The following GALNT10 variants were observed in gnomAD, a reference collection of about 807,000 sequenced individuals.
GALNT10 encodes GalNAc transferase 10.
In GALNT10, 41 loss-of-function variants were observed where a neutral mutation model predicts 75.0. The observed-to-expected ratio is 0.55, with a 90% CI of 0.43 to 0.71. The LOEUF (loss-of-function observed/expected upper bound fraction) is 0.71, where lower values mean the gene tolerates loss of function less well. GALNT10 is among the 30% of genes least tolerant of loss of function. GALNT10 has a pLI of 0.00. For synonymous variants in GALNT10, 302 were observed against 313.0 expected (o/e 0.96, Z 0.37); for missense variants, 727 against 818.5 (o/e 0.89, Z 1.36).
In GALNT10 at chr5:154,298,189, C is replaced by T. The variant is rs1272415811; in HGVS notation, c.401+110C>T. Reference sequence around the variant, plus strand: ...GAGCCCTGCTGACGGAGACACCCTCCTCTTTCACAGGCATTTGTGCAAAGG... The same window carrying T: ...GAGCCCTGCTGACGGAGACACCCTCTTCTTTCACAGGCATTTGTGCAAAGG... On this transcript the variant is annotated intron_variant, in intron 3 of 11. Transcript: ENST00000297107. The surrounding 1 kb of genome is among the most constrained non-coding windows in gnomAD (Gnocchi z 4.1). 18 of 940,972 alleles carry T rather than the reference C, an allele frequency of 1.9e-5. No individual in the cohort carries two copies. Among genetic ancestry groups the T allele is most frequent in the Non-Finnish European group, 2.6e-5 (16 of 604,310 alleles). 58.3% of individuals were successfully genotyped at this position (940,972 alleles called of 1,614,324 possible).
chr5:154,234,138 CT>C (rs1753207819), intron 1 of GALNT10, among the ~76,000 whole-genome samples: 1 of 152,178 alleles, frequency 6.6e-6, no homozygotes, highest in African/African-American at 2.4e-5. Context: ...TTTTAAGATT[CT>C]GTGGTGGGAA....
rs1582018846 is a variant in GALNT10, at chr5:154,409,802, G to A, written c.1386+40G>A. The A allele has an allele frequency of 1.5e-6, 2 of 1,347,374 alleles. No homozygotes were observed. The highest frequency in any genetic ancestry group is 4.6e-5 in the East Asian group (2 of 43,678). 83.5% of individuals were successfully genotyped at this position (1,347,374 alleles called of 1,614,324 possible). A position where few individuals can be genotyped will look rare whatever the true frequency, so the allele number is the denominator to read the frequency against. Reference sequence around the variant, plus strand: ...CAGGGCTGGCTCCATAATTTAATGGGTGTGCAAAATGCAAATGCAGATCCC... The same window carrying A: ...CAGGGCTGGCTCCATAATTTAATGGATGTGCAAAATGCAAATGCAGATCCC... On this transcript the variant is annotated intron_variant, in intron 9 of 11. Coordinates refer to ENST00000297107, the MANE Select transcript of GALNT10 (RefSeq NM_198321.4). The surrounding 1 kb of genome is among the most constrained non-coding windows in gnomAD (Gnocchi z 4.5).
intron 4 of GALNT10, among the ~76,000 whole-genome samples, chr5:154,358,568 TTAGAGCCTCTCTCCCACACA>T (rs929335699): frequency 3.9e-5 from 6 of 152,306 alleles, no homozygotes; most frequent in African/African-American, 4.8e-5. Flanking sequence ...CTGGCTGCTC[TTAGAGCCTCTCTCCCACACA>T]TAGAGCCTCT....
chr5:154,210,717 C>G (rs1241242725), intron 1 of GALNT10, among the ~76,000 whole-genome samples: 1 of 152,152 alleles, frequency 6.6e-6, no homozygotes, highest in Non-Finnish European at 1.5e-5. Context: ...AGGAATAAAC[C>G]ATCTTGGATT....
intron 1 of GALNT10, among the ~76,000 whole-genome samples, chr5:154,266,273 C>A (rs928821201): frequency 6.6e-6 from 1 of 152,004 alleles, no homozygotes; most frequent in Non-Finnish European, 1.5e-5. Flanking sequence ...AGGCTCCAGA[C>A]CTCCAATTAG....
chr5:154,330,693 A>C (rs969818540), intron 4 of GALNT10, among the ~76,000 whole-genome samples: 2 of 152,184 alleles, frequency 1.3e-5, no homozygotes, highest in Admixed American at 6.5e-5. Flanking sequence ...TTTGCATCAA[A>C]GCTTTCACCA....
chr5:154,284,794 A>C (rs528785538), intron 1 of GALNT10, among the ~76,000 whole-genome samples: 1 of 152,230 alleles, frequency 6.6e-6, no homozygotes, highest in Non-Finnish European at 1.5e-5. Flanking sequence ...GGGCAGGTAC[A>C]TGTGGTAGGT....
chr5:154,375,397 T>C (rs1348521637), intron 4 of GALNT10, among the ~76,000 whole-genome samples: 1 of 152,206 alleles, frequency 6.6e-6, no homozygotes, highest in Non-Finnish European at 1.5e-5. Flanking sequence ...GACACCAACA[T>C]TGAGGCTGAG....
chr5:154,202,939 A>C (rs1170544450), intron 1 of GALNT10, among the ~76,000 whole-genome samples: 1 of 152,214 alleles, frequency 6.6e-6, no homozygotes, highest in Non-Finnish European at 1.5e-5. Flanking sequence ...CTGCCCTGGC[A>C]GCAAGAGAGG....
At chr5:154,282,145 G>A (rs567479793) in intron 1 of GALNT10, among the ~76,000 whole-genome samples, 1 of 152,212 alleles carries the variant, frequency 6.6e-6, no homozygotes, top group African/African-American at 2.4e-5. Flanking sequence ...CATCACATGG[G>A]TGAGAGAGAT....
intron 3 of GALNT10, among the ~76,000 whole-genome samples, chr5:154,299,531 T>A (rs1754330483): frequency 6.6e-6 from 1 of 152,176 alleles, no homozygotes; most frequent in African/African-American, 2.4e-5. Context: ...ACCATAAAAG[T>A]CTTTCCACCT....
intron 3 of GALNT10, among the ~76,000 whole-genome samples, chr5:154,307,025 A>G (rs1357077227): frequency 6.6e-6 from 1 of 152,238 alleles, no homozygotes; most frequent in Non-Finnish European, 1.5e-5. Flanking sequence ...GAAAAAGAAG[A>G]CAAAAATTAC....
At chr5:154,248,651 GTGATATCCCCTT>G (rs1401052796) in intron 1 of GALNT10, among the ~76,000 whole-genome samples, 1 of 152,296 alleles carries the variant, frequency 6.6e-6, no homozygotes, top group East Asian at 1.9e-4. Flanking sequence ...GGGATCAGTG[GTGATATCCCCTT>G]TATCATTTTT....
chr5:154,326,160 A>T (rs912985732), intron 3 of GALNT10, among the ~76,000 whole-genome samples: 4 of 152,196 alleles, frequency 2.6e-5, no homozygotes, highest in African/African-American at 9.7e-5. Flanking sequence ...ATATGGAAAG[A>T]TACTCAACAT....
intron 1 of GALNT10, among the ~76,000 whole-genome samples, chr5:154,216,134 A>C (rs954887564): frequency 1.3e-5 from 2 of 152,070 alleles, no homozygotes; most frequent in African/African-American, 4.8e-5. Context: ...GGTCAGGAGG[A>C]TCTTGGAGAT....
At chr5:154,309,874 T>C (rs975318715) in intron 3 of GALNT10, among the ~76,000 whole-genome samples, 11 of 152,198 alleles carry the variant, frequency 7.2e-5, no homozygotes, top group African/African-American at 2.7e-4. Context: ...AGTGACAAGA[T>C]TTTTTTCTGA....
At chr5:154,201,350 G>A (rs773607933) in intron 1 of GALNT10, among the ~76,000 whole-genome samples, 49 of 151,986 alleles carry the variant, frequency 3.2e-4, no homozygotes, top group Non-Finnish European at 6.2e-4. Flanking sequence ...TAGTACCAAA[G>A]CCAATAAGTT....
At chr5:154,232,531 A>G (rs2113663333) in intron 1 of GALNT10, among the ~76,000 whole-genome samples, 1 of 152,280 alleles carries the variant, frequency 6.6e-6, no homozygotes, top group East Asian at 1.9e-4. Context: ...AACAGTGATA[A>G]TAGGTGCTAT....
At position 154,412,997 on chromosome 5, in the gene GALNT10, A is replaced by G; in HGVS notation, c.1495A>G (p.Asn499Asp). ...VRGRGEAAWN[N>D]MQVFTFTWRE... ...AGGCCGTGGGGAGGCTGCCTGGAAC[A>G]ACATGCAGGTAAGGGCCGCCCCTCA... is the stretch of plus-strand genomic sequence containing the variant. Residue 499 changes from asparagine (N) to aspartate (D), a missense_variant, in exon 10 of 12, where the codon AAC (asparagine) becomes GAC (aspartate). Asn to Asp is a conservative substitution (Grantham distance 23). Transcript: ENST00000297107. The surrounding 1 kb of genome is among the most constrained non-coding windows in gnomAD (Gnocchi z 4.2). 6.2e-7 allele frequency: 1 copy of G among 1,603,208 alleles called. No homozygotes were observed. Among genetic ancestry groups the G allele is most frequent in the South Asian group, 1.1e-5 (1 of 90,842 alleles).
Sources: gnomAD v4.1 joint callset for allele counts (sites outside exome capture counted in the v4.1 genomes callset) on GRCh38, gnomAD v4.1.1 for gene constraint, Gnocchi (gnomAD v3.1) non-coding constraint, MANE v1.5 for transcripts, NCBI Gene and HGNC (gene_info 2026-07-23, HGNC 2026-07-21) for gene names.